The following KIAA1210 variants were observed in gnomAD, a reference collection of about 807,000 sequenced individuals.
KIAA1210 encodes the protein acrosomal protein KIAA1210.
KIAA1210 carries 48 observed loss-of-function variants against 78.9 expected under a neutral mutation model. The observed-to-expected ratio is 0.61, with a 90% CI of 0.48 to 0.77. The LOEUF is 0.77. KIAA1210 is among the 30% of genes least tolerant of loss of function. KIAA1210 has a pLI of 0.00. For missense variants in KIAA1210, 1,108 were observed against 1,100.0 expected (o/e 1.01, Z -0.10); for synonymous variants, 406 against 404.5 (o/e 1.00, Z -0.04).
chrX:119,090,458 G>T (rs1165530682), intron 8 of KIAA1210, among the ~76,000 whole-genome samples: 3 of 110,797 alleles, frequency 2.7e-5, no homozygotes, highest in Non-Finnish European at 5.7e-5. Context: ...TTTTAGTAGA[G>T]ACGGGGTTTC....
chrX:119,110,858 T>C (rs1271890194), intron 3 of KIAA1210, among the ~76,000 whole-genome samples: 2 of 110,702 alleles, frequency 1.8e-5, no homozygotes, highest in Admixed American at 1.9e-4. Context: ...CTTGTTAAGA[T>C]GGCAGTACTT....
intron 6 of KIAA1210, among the ~76,000 whole-genome samples, chrX:119,099,308 T>C (rs1275919017): frequency 4.5e-5 from 5 of 112,302 alleles, no homozygotes; most frequent in African/African-American, 9.7e-5. Context: ...ATTTCTAGAT[T>C]GGGTATGTGC....
chrX:119,108,996 CT>C, intron 4 of KIAA1210, 79 bp downstream of exon 4: 2 of 1,086,066 alleles, frequency 1.8e-6, no homozygotes, highest in Non-Finnish European at 2.5e-6. Flanking sequence ...GTTCCCACTC[CT>C]TTTAATTTTG....
chrX:119,105,433 A>G (rs1334303744), intron 5 of KIAA1210, among the ~76,000 whole-genome samples: 1 of 112,287 alleles, frequency 8.9e-6, no homozygotes, highest in Non-Finnish European at 1.9e-5. Context: ...TTGTTCGTGC[A>G]AGATCAGAAT....
chrX:119,096,540 T>C lies in KIAA1210; in HGVS notation c.800A>G (p.Lys267Arg). 8.3e-7 allele frequency: 1 copy of C among 1,211,084 alleles called. No individual in the cohort carries two copies. Among genetic ancestry groups the C allele is most frequent in the Non-Finnish European group, 1.1e-6 (1 of 895,163 alleles). The change falls in exon 7 of 12, where the codon AAA (lysine) becomes AGA (arginine). Residue 267 changes from lysine to arginine, a missense_variant. Lys to Arg is a conservative substitution (Grantham distance 26, BLOSUM62 2). Around this residue, in one of 5 missense-constraint regions of KIAA1210, gnomAD observed 672 missense variants for 607.1 expected, o/e 1.11. Transcript: ENST00000691062. ...GCLDSSAARH[K>R]MTLNPRKQKK... ...TTGTTTGCGGGGATTTAAAGTCATTTTGTGGCGAGCAGCTGAAGAATCCAA... is the reference window on the plus strand; with the variant it reads ...TTGTTTGCGGGGATTTAAAGTCATTCTGTGGCGAGCAGCTGAAGAATCCAA...
chrX:119,137,263 AG>A (rs896478049), intron 2 of KIAA1210, among the ~76,000 whole-genome samples: 19 of 112,447 alleles, frequency 1.7e-4, no homozygotes, highest in Non-Finnish European at 5.6e-5. Context: ...GTAACTGCCC[AG>A]GGGCACATGA....
chrX:119,104,887 A>G (rs995004075), intron 6 of KIAA1210, 105 bp downstream of exon 6: 7 of 758,474 alleles, frequency 9.2e-6, no homozygotes, highest in African/African-American at 8.9e-5. Context: ...TCCTTCCCCA[A>G]TCATCCCCCT....
rs184803806 is a variant in KIAA1210 at position 119,097,463 on chromosome X, G to A, written c.649-772C>T. On this transcript the variant is annotated intron_variant, in intron 6 of 11. Coordinates refer to ENST00000691062, the MANE Select transcript of KIAA1210 (RefSeq NM_001394962.1). ...CTCTTTCCATTTCTAAGAAGATTTC[G>A]ATTTCTGTTAGCAGAAGGCCCTTTG... Among the ~76,000 whole-genome samples, 245 of 111,684 alleles carry A rather than the reference G, an allele frequency of 2.2e-3. 2 individuals are homozygous for A. Among genetic ancestry groups the A allele is most frequent in the African/African-American group, 7.3e-3 (224 of 30,747 alleles).
At chrX:119,139,084 A>C (rs1026604788) in intron 2 of KIAA1210, among the ~76,000 whole-genome samples, 12 of 112,336 alleles carry the variant, frequency 1.1e-4, no homozygotes, top group African/African-American at 3.9e-4. Context: ...GGGTTTAAGG[A>C]GGAAGGCTGT....
At chrX:119,128,609 T>G (rs1401504379), upstream of KIAA1210, among the ~76,000 whole-genome samples, 1 of 112,089 alleles carries the variant, frequency 8.9e-6, no homozygotes, top group East Asian at 2.8e-4. Context: ...AGCACGTCCA[T>G]GATCATCCTA....
Position 119,091,608 on chromosome X carries a change from C to T in KIAA1210, c.956-1862G>A, listed in dbSNP as rs148384255. Among the ~76,000 whole-genome samples the T allele has an allele frequency of 7.2e-3, 803 of 111,463 alleles. 3 individuals are homozygous for T. The highest frequency in any genetic ancestry group is 0.028 in the Middle Eastern group (6 of 218). On this transcript the variant is annotated intron_variant, in intron 8 of 11. Coordinates refer to ENST00000691062, the MANE Select transcript of KIAA1210 (RefSeq NM_001394962.1). ...TTGATCCCCAGATGGAAGGGTCCCT[C>T]GCTGCCTTTCTTCCCTCACTATCTG...
chrX:119,136,621 G>C (rs1050867492), intron 2 of KIAA1210, among the ~76,000 whole-genome samples: 28 of 111,498 alleles, frequency 2.5e-4, no homozygotes, highest in African/African-American at 8.5e-4. Flanking sequence ...GAGCCCAGGA[G>C]TTCAAGAGCA....
chrX:119,089,927 TA>T (rs1927317757), intron 8 of KIAA1210, among the ~76,000 whole-genome samples, 181 bp from the exon 9 acceptor site: 1 of 111,867 alleles, frequency 8.9e-6, no homozygotes, highest in South Asian at 3.8e-4. Context: ...TGGATATTTT[TA>T]AGCCAAAGAG....
chrX:119,094,498 G>A (rs1047390768), intron 7 of KIAA1210, among the ~76,000 whole-genome samples: 2 of 112,460 alleles, frequency 1.8e-5, no homozygotes, highest in South Asian at 3.7e-4. Flanking sequence ...CAAAGTGCCT[G>A]TGCAAACAGA....
At chrX:119,082,600 A>G (rs1927000323) in intron 11 of KIAA1210, among the ~76,000 whole-genome samples, 1 of 112,482 alleles carries the variant, frequency 8.9e-6, no homozygotes, top group African/African-American at 3.2e-5. Context: ...ATAATTAAAA[A>G]CAATTGAATA....
At chrX:119,116,907 T>C (rs1928286818) in intron 2 of KIAA1210, among the ~76,000 whole-genome samples, 1 of 112,240 alleles carries the variant, frequency 8.9e-6, no homozygotes, top group African/African-American at 3.2e-5. Flanking sequence ...CAGCTTGTCA[T>C]CTCTGGGCAG....
chrX:119,128,224 C>T (rs1445398946), upstream of KIAA1210, among the ~76,000 whole-genome samples: 1 of 111,781 alleles, frequency 8.9e-6, no homozygotes, highest in Non-Finnish European at 1.9e-5. Context: ...ATTATTTCAA[C>T]ATATAGTCAC....
At position 119,086,671 on chromosome X, in the gene KIAA1210, C is replaced by T. The variant is rs765343699; in HGVS notation, c.4031G>A (p.Ser1344Asn). The T allele has an allele frequency of 8.3e-7, 1 of 1,211,530 alleles. No homozygotes were observed. Among genetic ancestry groups the T allele is most frequent in the South Asian group, 1.8e-5 (1 of 56,953 alleles). The change falls in exon 9 of 12, where the codon AGC becomes AAC. Residue 1344 changes from serine (S) to asparagine (N), a missense_variant. By Grantham distance (46) the Ser-to-Asn change is conservative. This residue lies in a region of KIAA1210 where 245 missense variants were observed against 278.8 expected (regional missense o/e 0.88). Coordinates refer to ENST00000691062, the MANE Select transcript of KIAA1210 (RefSeq NM_001394962.1). ...AGCATCCAGGAGCCCCTGGGAAGTG[C>T]TTCTGATTTTATGTCCCCTGCCTAC... ...SSVGRGHKIR[S>N]TSQGLLDAAG...
At chrX:119,107,407 C>A (rs981210224) in intron 5 of KIAA1210, among the ~76,000 whole-genome samples, 3 of 112,165 alleles carry the variant, frequency 2.7e-5, no homozygotes, top group African/African-American at 9.7e-5. Flanking sequence ...ATGTGAGAAC[C>A]CTGTTGCCAC....
Sources: allele counts gnomAD v4.1 joint callset (sites outside exome capture counted in the v4.1 genomes callset), GRCh38; gene constraint gnomAD v4.1.1; regional missense constraint gnomAD v4.1.1; transcripts MANE v1.5; gene names NCBI Gene and HGNC (gene_info 2026-07-23, HGNC 2026-07-21).